The following ZC3H12C variants were observed in gnomAD, a reference collection of about 807,000 sequenced individuals.
ZC3H12C encodes probable ribonuclease ZC3H12C.
A neutral mutation model predicts 76.3 loss-of-function variants in ZC3H12C; 20 were observed. The ratio of observed to expected loss-of-function variants is 0.26; its 90% CI spans 0.18 to 0.38. ZC3H12C has a LOEUF of 0.38. Among genes scored for constraint, ZC3H12C ranks in the 10% least tolerant of loss-of-function variants. The probability of loss-of-function intolerance (pLI) is 1.00; values close to 1 mark genes in which losing one functional copy is unlikely to be tolerated. For missense variants in ZC3H12C, 874 were observed against 1,086.5 expected (o/e 0.80, Z 2.75); for synonymous variants, 352 against 399.6 (o/e 0.88, Z 1.42).
At chr11:110,138,839 A>G (rs751938717) in intron 2 of ZC3H12C, among the ~76,000 whole-genome samples, 4 of 152,222 alleles carry the variant, frequency 2.6e-5, no homozygotes, top group Admixed American at 6.5e-5. Flanking sequence ...GATTACAGGC[A>G]TGAGCCACCA....
intron 1 of ZC3H12C, among the ~76,000 whole-genome samples, chr11:110,130,777 C>T (rs751701361): frequency 3.9e-5 from 6 of 152,190 alleles, no homozygotes; most frequent in Non-Finnish European, 7.3e-5. Context: ...TTTGTATGGC[C>T]TATTGTTGCT....
intron 1 of ZC3H12C, among the ~76,000 whole-genome samples, chr11:110,099,922 G>A (rs185406514): frequency 6.6e-6 from 1 of 151,192 alleles, no homozygotes; most frequent in African/African-American, 2.4e-5. Flanking sequence ...CATAACACTT[G>A]CATATTAGAT....
chr11:110,114,666 T>C (rs1861492667), intron 1 of ZC3H12C, among the ~76,000 whole-genome samples: 1 of 152,206 alleles, frequency 6.6e-6, no homozygotes, highest in African/African-American at 2.4e-5. Flanking sequence ...AAATGTATTA[T>C]TTGTATAGAA....
At chr11:110,141,280 T>C (rs971505128) in intron 2 of ZC3H12C, among the ~76,000 whole-genome samples, 1 of 152,192 alleles carries the variant, frequency 6.6e-6, no homozygotes, top group Non-Finnish European at 1.5e-5. Context: ...CTGTGATAAC[T>C]TTCCTCTGTA....
chr11:110,159,439 GGAA>G lies in ZC3H12C; in HGVS notation c.1102_1104del (p.Lys368del). The G allele has an allele frequency of 6.2e-7, 1 of 1,613,622 alleles. No homozygotes were observed. The highest frequency in any genetic ancestry group is 8.5e-7 in the Non-Finnish European group (1 of 1,179,774). ...GACTTGGCTAATGAGAAGCCAGAAT[GGAA>G]GAAGTTCATAGATGAACGATTATTA... On this transcript the variant is annotated inframe_deletion, in exon 4 of 6. Transcript: ENST00000278590.
intron 5 of ZC3H12C, among the ~76,000 whole-genome samples, chr11:110,163,738 T>TAA (rs1378964529): frequency 6.6e-6 from 1 of 152,158 alleles, no homozygotes. Flanking sequence ...ATTTCCTACC[T>TAA]AATTATAAAG....
chr11:110,155,545 A>G lies in ZC3H12C; in HGVS notation c.913+2487A>G, dbSNP rs1301568638. On this transcript the variant is annotated intron_variant, in intron 3 of 5. Transcript: ENST00000278590. The stretch of plus-strand genomic sequence containing the variant: ...TACCATTATTTAGAATAGAAAAAAA[A>G]AAGTGTTCATTCATTAGAAGAATGG... Among the ~76,000 whole-genome samples, 3 of 151,980 alleles carry G rather than the reference A, an allele frequency of 2.0e-5. No individual in the cohort carries two copies. The East Asian group carries it at 5.8e-4, about 29-fold the overall frequency.
intron 1 of ZC3H12C, among the ~76,000 whole-genome samples, chr11:110,127,314 A>G (rs1861767197): frequency 1.3e-5 from 2 of 152,210 alleles, no homozygotes; most frequent in Admixed American, 1.3e-4. Context: ...ACACTTTTCA[A>G]ATAGCACTCA....
chr11:110,115,379 T>G (rs906583195), intron 1 of ZC3H12C, among the ~76,000 whole-genome samples: 6 of 152,206 alleles, frequency 3.9e-5, no homozygotes, highest in Non-Finnish European at 7.3e-5. Context: ...CTTGGCTCAC[T>G]GCAGCCTCTG....
intron 2 of ZC3H12C, among the ~76,000 whole-genome samples, chr11:110,152,654 T>C (rs1372512856): frequency 6.6e-6 from 1 of 152,202 alleles, no homozygotes; most frequent in East Asian, 1.9e-4. Flanking sequence ...TTCTGACTAG[T>C]TAACCTTTAG....
intron 1 of ZC3H12C, among the ~76,000 whole-genome samples, chr11:110,105,701 T>G (rs190740657): frequency 6.6e-6 from 1 of 152,180 alleles, no homozygotes; most frequent in Non-Finnish European, 1.5e-5. Context: ...TTTTTAAAAG[T>G]GTATGCATAT....
intron 1 of ZC3H12C, among the ~76,000 whole-genome samples, chr11:110,115,171 A>G (rs1183572693): frequency 6.6e-6 from 1 of 152,126 alleles, no homozygotes; most frequent in Non-Finnish European, 1.5e-5. Flanking sequence ...CAGTGGCACG[A>G]TGATGGCTCA....
chr11:110,128,700 T>C (rs1332028913), intron 1 of ZC3H12C, among the ~76,000 whole-genome samples: 3 of 152,196 alleles, frequency 2.0e-5, no homozygotes, highest in Non-Finnish European at 4.4e-5. Context: ...TTAAGTTTTA[T>C]TAGGTTTCAG....
At chr11:110,148,377 A>G (rs1478344781) in intron 2 of ZC3H12C, among the ~76,000 whole-genome samples, 3 of 152,192 alleles carry the variant, frequency 2.0e-5, no homozygotes, top group African/African-American at 7.2e-5. Context: ...ACAATATTCT[A>G]GGCATCTCGT....
In ZC3H12C at chr11:110,169,339, GGTGTGTGTGTGTGTGTGT is replaced by G. The variant is rs143466304; in HGVS notation, c.*3627_*3644del. The stretch of plus-strand genomic sequence containing the variant: ...TGTGACAGGTGGGAGGATGGCTCTG[GGTGTGTGTGTGTGTGTGT>G]GTGTGTGTGTGTGTGTGTGTGTGTT... On this transcript the variant is annotated 3_prime_UTR_variant, in exon 6 of 6. Transcript: ENST00000278590. The G allele has an allele frequency of 3.5e-3, 507 of 146,366 alleles. 1 individual carries two copies. The highest frequency in any genetic ancestry group is 0.012 in the African/African-American group (485 of 39,552). The allele number at this position is 146,366 out of a possible 1,614,324, so 9.1% of individuals were successfully genotyped here.
At position 110,164,977 on chromosome 11, in the gene ZC3H12C, G is replaced by A. The variant is rs1356277107; in HGVS notation, c.1892G>A (p.Ser631Asn). 1 of 1,614,054 alleles carries A rather than the reference G, an allele frequency of 6.2e-7. No homozygotes were observed. The highest frequency in any genetic ancestry group is 1.1e-5 in the South Asian group (1 of 91,090). ...GCTTCTGACTGCAGCAGTGAAGGGA[G>A]CATGAGCTGTGGGAGCAGTGACTCC... The part of the protein sequence containing the change: ...SVASDCSSEG[S>N]MSCGSSDSYV... Residue 631 changes from serine (S) to asparagine (N), a missense_variant, in exon 6 of 6, where the codon AGC (serine) becomes AAC (asparagine). Coordinates refer to ENST00000278590, the MANE Select transcript of ZC3H12C (RefSeq NM_033390.2). The surrounding 1 kb of genome is among the most constrained non-coding windows in gnomAD (Gnocchi z 5.7).
At chr11:110,146,781 A>G (rs780687008) in intron 2 of ZC3H12C, among the ~76,000 whole-genome samples, 1 of 151,116 alleles carries the variant, frequency 6.6e-6, no homozygotes, top group Non-Finnish European at 1.5e-5. Flanking sequence ...TGCTATTGCC[A>G]ATACCTGAGA....
intron 1 of ZC3H12C, among the ~76,000 whole-genome samples, chr11:110,110,136 C>T (rs1861401357): frequency 6.6e-6 from 1 of 152,076 alleles, no homozygotes; most frequent in Non-Finnish European, 1.5e-5. Flanking sequence ...AATGCCATCT[C>T]ATTATTTAAG....
intron 1 of ZC3H12C, among the ~76,000 whole-genome samples, chr11:110,105,331 A>G (rs2134148068): frequency 6.6e-6 from 1 of 152,314 alleles, no homozygotes; most frequent in South Asian, 2.1e-4. Flanking sequence ...TAGAACAGAT[A>G]TTAAATGAGC....
Sources: gnomAD v4.1 joint callset for allele counts (sites outside exome capture counted in the v4.1 genomes callset) on GRCh38, gnomAD v4.1.1 for gene constraint, Gnocchi (gnomAD v3.1) non-coding constraint, MANE v1.5 for transcripts, NCBI Gene and HGNC (gene_info 2026-07-23, HGNC 2026-07-21) for gene names.